TXNDC16: variants seen among roughly 807,000 people sequenced by gnomAD.
TXNDC16 encodes thioredoxin domain-containing protein 16.
Under a neutral mutation model 85.6 loss-of-function variants are expected in TXNDC16, and 74 were observed. The ratio of observed to expected loss-of-function variants is 0.86; its 90% confidence interval spans 0.72 to 1.05. TXNDC16 has a LOEUF of 1.05. Among genes scored for constraint, TXNDC16 ranks in the 50% least tolerant of loss-of-function variants. The pLI is 0.00. For synonymous variants in TXNDC16, 335 were observed against 326.5 expected (o/e 1.03, Z -0.28); for missense variants, 959 against 947.0 (o/e 1.01, Z -0.17).
intron 18 of TXNDC16, among the ~76,000 whole-genome samples, chr14:52,440,989 A>G (rs2035151493): frequency 1.3e-5 from 2 of 152,202 alleles, no homozygotes; most frequent in African/African-American, 4.8e-5. Context: ...CTGTTTTACA[A>G]GATGTAACAC....
chr14:52,457,711 T>C (rs1226486236), intron 16 of TXNDC16, among the ~76,000 whole-genome samples: 4 of 152,366 alleles, frequency 2.6e-5, no homozygotes, highest in East Asian at 1.9e-4. Context: ...TTTTCTCTAA[T>C]GTGTTTTCAT....
intron 14 of TXNDC16, among the ~76,000 whole-genome samples, chr14:52,480,999 AT>A (rs1318856171): frequency 1.5e-5 from 2 of 136,538 alleles, no homozygotes; most frequent in East Asian, 2.3e-4. Context: ...ATATATATAT[AT>A]AATGGAATAC....
chr14:52,455,124 A>T (rs2035502060), intron 18 of TXNDC16, among the ~76,000 whole-genome samples, 200 bp downstream of exon 18: 1 of 152,212 alleles, frequency 6.6e-6, no homozygotes, highest in African/African-American at 2.4e-5. Context: ...TCTCAGCAAG[A>T]TGTAAACTTT....
chr14:52,482,474 C>T (rs2036172270), intron 13 of TXNDC16, among the ~76,000 whole-genome samples, 185 bp from the exon 14 acceptor site: 1 of 151,984 alleles, frequency 6.6e-6, no homozygotes, highest in Non-Finnish European at 1.5e-5. Flanking sequence ...TGATTTTCCG[C>T]ACTTGTACTG....
chr14:52,479,028 C>T (rs145653499), intron 14 of TXNDC16, among the ~76,000 whole-genome samples: 5 of 151,976 alleles, frequency 3.3e-5, no homozygotes, highest in African/African-American at 1.2e-4. Context: ...TCAATAAATG[C>T]GATACACCAC....
At chr14:52,459,543 G>C (rs2035608113) in intron 16 of TXNDC16, among the ~76,000 whole-genome samples, 1 of 152,122 alleles carries the variant, frequency 6.6e-6, no homozygotes, top group Admixed American at 6.6e-5. Context: ...CAAAAATTAA[G>C]GAGGCGGGAC....
chr14:52,467,834 G>A (rs777058480), intron 16 of TXNDC16, among the ~76,000 whole-genome samples: 2 of 152,078 alleles, frequency 1.3e-5, no homozygotes, highest in Non-Finnish European at 2.9e-5. Flanking sequence ...CAGCCAAGAG[G>A]TAGAAGTAAC....
intron 18 of TXNDC16, among the ~76,000 whole-genome samples, chr14:52,453,255 T>C (rs961672134): frequency 1.3e-5 from 2 of 152,156 alleles, no homozygotes; most frequent in Non-Finnish European, 2.9e-5. Context: ...GCAACCACTA[T>C]GGAGAACAGT....
chr14:52,509,509 CTTGT>C lies in TXNDC16; in HGVS notation c.756+1727_756+1730del, dbSNP rs1177867107. On this transcript the variant is annotated intron_variant, in intron 9 of 20. Transcript: ENST00000281741. ...ACTGCTTTCTTTAAAAAAAAAATTA[CTTGT>C]AGTCAAAATGCAACCACAGAAAAAA... is the stretch of plus-strand genomic sequence containing the variant. Among the ~76,000 whole-genome samples, 3 of 151,150 alleles carry C rather than the reference CTTGT, an allele frequency of 2.0e-5. No homozygotes were observed. The East Asian group carries it at 5.9e-4, about 30-fold the overall frequency.
rs1319885409 is a variant in TXNDC16, at chr14:52,463,193, A to AT, written c.1619-6020dup. Among the ~76,000 whole-genome samples, 8 of 128,388 alleles carry AT rather than the reference A, an allele frequency of 6.2e-5. No individual in the cohort carries two copies. In the East Asian group the frequency reaches 1.7e-3, roughly 28 times the overall value. The allele number at this position is 128,388 out of a possible 152,430, so 84.2% of individuals were successfully genotyped here. On this transcript the variant is annotated intron_variant, in intron 16 of 20. Coordinates refer to ENST00000281741, the MANE Select transcript of TXNDC16 (RefSeq NM_020784.3). ...GTAACAACTTCCAAACCCAGTTCAG[A>AT]TAAAAAAAAAAAAAAATCTGCTCAA...
At chr14:52,504,565 A>G (rs1008920888) in intron 9 of TXNDC16, among the ~76,000 whole-genome samples, 1 of 152,242 alleles carries the variant, frequency 6.6e-6, no homozygotes, top group African/African-American at 2.4e-5. Flanking sequence ...GAGCTCCTGA[A>G]GGAAGCAATA....
At chr14:52,508,360 A>C (rs544171381) in intron 9 of TXNDC16, among the ~76,000 whole-genome samples, 1 of 152,360 alleles carries the variant, frequency 6.6e-6, no homozygotes, top group East Asian at 1.9e-4. Context: ...TCAAAACCAC[A>C]ATGAGATACC....
chr14:52,450,429 A>G (rs1351407378), intron 18 of TXNDC16, among the ~76,000 whole-genome samples: 1 of 151,120 alleles, frequency 6.6e-6, no homozygotes, highest in Non-Finnish European at 1.5e-5. Flanking sequence ...AGGAGATTGA[A>G]GCTATAATAC....
chr14:52,551,172 C>T (rs904490772), intron 1 of TXNDC16, among the ~76,000 whole-genome samples: 1 of 152,074 alleles, frequency 6.6e-6, no homozygotes, highest in African/African-American at 2.4e-5. Flanking sequence ...CCTGGACAAA[C>T]GACTGTCCCA....
intron 18 of TXNDC16, among the ~76,000 whole-genome samples, chr14:52,449,719 A>T (rs2035364428): frequency 6.6e-6 from 1 of 152,112 alleles, no homozygotes; most frequent in African/African-American, 2.4e-5. Context: ...GCCTTATAAC[A>T]TTTAAACAAA....
In TXNDC16 at chr14:52,455,353, T is replaced by G. The variant is rs142559335; in HGVS notation, c.1813A>C (p.Ile605Leu). 1.2e-5 allele frequency: 19 copies of G among 1,613,766 alleles called. No homozygotes were observed. In the African/African-American group the frequency reaches 2.5e-4, roughly 22 times the overall value. The change falls in exon 18 of 21, where the codon ATA becomes CTA. Residue 605 changes from isoleucine to leucine, a missense_variant. Transcript: ENST00000281741. The stretch of plus-strand genomic sequence containing the variant: ...ATTTCCAGTAGTGCATCTGTTATTA[T>G]TTGAACTATGTCTTGTGCATGTGTG... ...ASTHAQDIVQIITDALLEMFP... is the reference protein window; with the variant it reads ...ASTHAQDIVQLITDALLEMFP...
At chr14:52,441,322 T>C (rs1242718448) in intron 18 of TXNDC16, among the ~76,000 whole-genome samples, 3 of 152,206 alleles carry the variant, frequency 2.0e-5, no homozygotes, top group Non-Finnish European at 1.5e-5. Context: ...AATTAAAAGA[T>C]AGGAGGCTGG....
At chr14:52,507,063 G>A (rs571117626) in intron 9 of TXNDC16, among the ~76,000 whole-genome samples, 42 of 152,082 alleles carry the variant, frequency 2.8e-4, no homozygotes, top group Non-Finnish European at 4.0e-4. Context: ...GTTCTGTCCA[G>A]GGCAATCAGG....
At chr14:52,506,405 C>T (rs1046603423) in intron 9 of TXNDC16, among the ~76,000 whole-genome samples, 4 of 151,846 alleles carry the variant, frequency 2.6e-5, no homozygotes, top group Admixed American at 2.6e-4. Flanking sequence ...CCCTGGGATA[C>T]AAGGCTGGCT....
Sources: gnomAD v4.1 joint callset for allele counts (sites outside exome capture counted in the v4.1 genomes callset) on GRCh38, gnomAD v4.1.1 for gene constraint, MANE v1.5 for transcripts, NCBI Gene and HGNC (gene_info 2026-07-23, HGNC 2026-07-21) for gene names.